Variants in C8orf76 observed in about 807,000 individuals in gnomAD.
C8orf76 encodes uncharacterized protein C8orf76.
Under a neutral mutation model 38.1 loss-of-function variants are expected in C8orf76, and 46 were observed. That is an observed-to-expected ratio of 1.21 (90% CI 0.95 to 1.54). The LOEUF (loss-of-function observed/expected upper bound fraction) is 1.54, where lower values mean the gene tolerates loss of function less well. Among genes scored for constraint, C8orf76 ranks in the 40% most tolerant of loss-of-function variants. C8orf76 has a pLI of 0.00. For synonymous variants in C8orf76, 166 were observed against 167.5 expected (o/e 0.99, Z 0.07); for missense variants, 461 against 441.6 (o/e 1.04, Z -0.39).
intron 3 of C8orf76, chr8:123,236,958 G>A: frequency 1.9e-6 from 3 of 1,547,822 alleles, no homozygotes; most frequent in East Asian, 2.3e-5. Context: ...GACCAGCAGC[G>A]TCTGATACTT....
At chr8:123,229,317 T>C (rs1825156295) in intron 4 of C8orf76, among the ~76,000 whole-genome samples, 1 of 152,246 alleles carries the variant, frequency 6.6e-6, no homozygotes, top group Non-Finnish European at 1.5e-5. Context: ...ATGATTTTAA[T>C]AGTTTCCTGA....
chr8:123,236,895 T>C (rs1001692984), intron 3 of C8orf76: 68 of 1,026,252 alleles, frequency 6.6e-5, no homozygotes, highest in Non-Finnish European at 1.2e-5. Flanking sequence ...ACCATCACCC[T>C]TGAGATCGAG....
intron 3 of C8orf76, chr8:123,236,735 G>C: frequency 2.4e-6 from 1 of 419,730 alleles, no homozygotes; most frequent in South Asian, 2.2e-5. Flanking sequence ...GGCAAGCCGG[G>C]ATCACTCCAC....
rs138135108 is a variant in C8orf76 at position 123,227,103 on chromosome 8, AT to A, written c.816-472del. ...CAACTTGACCGCAAGGACTAATTAG[AT>A]TCGCTAGCACACTTCAATTACCCCA... On this transcript the variant is annotated intron_variant, in intron 4 of 5. Transcript: ENST00000276704. 2.4e-3 allele frequency among the ~76,000 whole-genome samples: 358 copies of A among 152,200 alleles called. 2 individuals carry two copies. The highest frequency in any genetic ancestry group is 8.1e-3 in the African/African-American group (335 of 41,534).
intron 4 of C8orf76, among the ~76,000 whole-genome samples, chr8:123,228,031 T>C (rs953538962): frequency 5.4e-4 from 82 of 152,096 alleles, no homozygotes; most frequent in African/African-American, 2.0e-3. Context: ...CCACCCCAAA[T>C]CGGCTCTGCT....
At chr8:123,228,563 G>A (rs1323251146) in intron 4 of C8orf76, among the ~76,000 whole-genome samples, 1 of 151,838 alleles carries the variant, frequency 6.6e-6, no homozygotes, top group Non-Finnish European at 1.5e-5. Context: ...AGGTTGCGGT[G>A]AGCCGAGATC....
At position 123,220,379 on chromosome 8, in the gene C8orf76, C is replaced by T. The variant is rs1026630427; in HGVS notation, c.949-82G>A. On this transcript the variant is annotated intron_variant, in intron 5 of 5. Coordinates refer to ENST00000276704, the MANE Select transcript of C8orf76 (RefSeq NM_032847.3). ...GCTAGTTATCAACTGCGAAGGCTTT[C>T]ATTCAAAGGCAGAAAATACTTGAGC... is the stretch of plus-strand genomic sequence containing the variant. 7.7e-6 allele frequency: 8 copies of T among 1,033,370 alleles called. No homozygotes were observed. In the African/African-American group the frequency reaches 1.3e-4, roughly 17 times the overall value. 64.0% of individuals were successfully genotyped at this position (1,033,370 alleles called of 1,614,324 possible). A position where few individuals can be genotyped will look rare whatever the true frequency, so the allele number is the denominator to read the frequency against.
chr8:123,230,398 T>C (rs758560329), intron 4 of C8orf76, among the ~76,000 whole-genome samples: 1 of 152,244 alleles, frequency 6.6e-6, no homozygotes, highest in Non-Finnish European at 1.5e-5. Flanking sequence ...AAATATGTCT[T>C]CTCCCTTTTT....
intron 3 of C8orf76, among the ~76,000 whole-genome samples, chr8:123,235,495 C>T (rs1240648571): frequency 1.3e-5 from 2 of 152,088 alleles, no homozygotes; most frequent in African/African-American, 2.4e-5. Context: ...ACACAGCTTA[C>T]CAGGAAATGA....
At chr8:123,224,478 G>A (rs1312512551) in intron 5 of C8orf76, among the ~76,000 whole-genome samples, 1 of 152,138 alleles carries the variant, frequency 6.6e-6, no homozygotes. Context: ...TGGACATGGT[G>A]GTGGGTGCCT....
intron 4 of C8orf76, among the ~76,000 whole-genome samples, chr8:123,229,515 G>C (rs554300922): frequency 6.6e-6 from 1 of 152,200 alleles, no homozygotes; most frequent in Non-Finnish European, 1.5e-5. Context: ...GTTGGTCACA[G>C]CACTGATATA....
At chr8:123,235,908 G>A (rs1258161686) in intron 3 of C8orf76, among the ~76,000 whole-genome samples, 1 of 152,182 alleles carries the variant, frequency 6.6e-6, no homozygotes, top group Non-Finnish European at 1.5e-5. Flanking sequence ...GAAAGGCACC[G>A]GAAGGGCCAA....
chr8:123,239,846 G>A (rs1211680559), intron 1 of C8orf76: 1 of 151,868 alleles, frequency 6.6e-6, no homozygotes, highest in East Asian at 1.9e-4. Flanking sequence ...TACAAAATTA[G>A]GCCGGCATGG....
intron 3 of C8orf76, among the ~76,000 whole-genome samples, chr8:123,234,911 A>G (rs1825405138): frequency 6.6e-6 from 1 of 152,212 alleles, no homozygotes; most frequent in Non-Finnish European, 1.5e-5. Flanking sequence ...GCAGTGAGCC[A>G]AGATCGCACC....
At position 123,239,131 on chromosome 8, in the gene C8orf76, T is replaced by C. The variant is rs1319719777; in HGVS notation, c.131A>G (p.Glu44Gly). 6.2e-7 allele frequency: 1 copy of C among 1,614,138 alleles called. No homozygotes were observed. Among genetic ancestry groups the C allele is most frequent in the East Asian group, 2.2e-5 (1 of 44,870 alleles). The part of the protein sequence containing the change: ...KLCEPQWFYE[E>G]TESSDDVEVL... Reference sequence around the variant, plus strand: ...TTCAACATCATCACTGCTTTCTGTTTCTTCATAAAACCACTTGAAATCATG... The same window carrying C: ...TTCAACATCATCACTGCTTTCTGTTCCTTCATAAAACCACTTGAAATCATG... Residue 44 changes from glutamate (E) to glycine (G), a missense_variant, in exon 2 of 6, where the codon GAA becomes GGA. By Grantham distance (98) the Glu-to-Gly change is moderately conservative. Coordinates refer to ENST00000276704, the MANE Select transcript of C8orf76 (RefSeq NM_032847.3).
Position 123,231,817 on chromosome 8 carries a change from G to T in C8orf76, c.358-60C>A, listed in dbSNP as rs375138837. Reference sequence around the variant, plus strand: ...CTTCAAAGCATTTTCCATATAAAATGAGAATGCCTAAAAAACCAAGTTGTA... The same window carrying T: ...CTTCAAAGCATTTTCCATATAAAATTAGAATGCCTAAAAAACCAAGTTGTA... On this transcript the variant is annotated intron_variant, in intron 3 of 5. Coordinates refer to ENST00000276704, the MANE Select transcript of C8orf76 (RefSeq NM_032847.3). The T allele has an allele frequency of 1.0e-5, 15 of 1,503,254 alleles. No individual in the cohort carries two copies. In the African/African-American group the frequency reaches 2.0e-4, roughly 20 times the overall value. The allele number at this position is 1,503,254 out of a possible 1,614,324, so 93.1% of individuals were successfully genotyped here.
chr8:123,241,170 G>A (rs1825672770), intron 1 of C8orf76, 60 bp downstream of exon 1: 1 of 1,485,200 alleles, frequency 6.7e-7, no homozygotes, highest in Non-Finnish European at 8.9e-7. Context: ...CCGGGGCCGG[G>A]GCCCCGCGGA....
chr8:123,229,914 G>A (rs984791110), intron 4 of C8orf76, among the ~76,000 whole-genome samples: 6 of 152,120 alleles, frequency 3.9e-5, no homozygotes, highest in Non-Finnish European at 7.4e-5. Flanking sequence ...CTACTCAGGA[G>A]GCTGAGGCAG....
chr8:123,238,052 C>A, intron 2 of C8orf76, 111 bp from the exon 3 acceptor site: 1 of 1,213,026 alleles, frequency 8.2e-7, no homozygotes, highest in Non-Finnish European at 1.1e-6. Context: ...TTATAACTGA[C>A]CAATGAATTA....
Sources: allele counts gnomAD v4.1 joint callset (sites outside exome capture counted in the v4.1 genomes callset), GRCh38; gene constraint gnomAD v4.1.1; transcripts MANE v1.5; gene names NCBI Gene and HGNC (gene_info 2026-07-23, HGNC 2026-07-21).